Variants in SPTBN5 observed in about 807,000 individuals in gnomAD.
SPTBN5 encodes spectrin beta chain, non-erythrocytic 5.
Under a neutral mutation model 477.6 loss-of-function variants are expected in SPTBN5, and 513 were observed. That is an observed-to-expected ratio of 1.07 (90% confidence interval 1.00 to 1.16). The LOEUF (loss-of-function observed/expected upper bound fraction) is 1.16. Among genes scored for constraint, SPTBN5 ranks in the 50% most tolerant of loss-of-function variants. The pLI is 0.00. For synonymous variants in SPTBN5, 2,169 were observed against 2,011.7 expected, an observed-to-expected ratio of 1.08 and a Z score of -2.09; for missense variants, 5,062 against 4,731.8, an observed-to-expected ratio of 1.07 and a Z score of -2.05.
Position 41,855,349 on chromosome 15 carries a change from C to A in SPTBN5, c.9298G>T (p.Gly3100Cys), listed in dbSNP as rs138964407. Residue 3100 changes from glycine (G) to cysteine (C), a missense_variant, in exon 55 of 68, where the codon GGC (glycine) becomes TGC (cysteine). Transcript: ENST00000320955. ...LLRRAEARGH[G>C]LQEQLQLHQL... ...TGTAGCTGCAGCTGCTCCTGCAGGC[C>A]GTGCCCCCTGGCCTCCGCCCTCCGC... 5 of 1,606,590 alleles carry A rather than the reference C, an allele frequency of 3.1e-6. No individual in the cohort carries two copies. Among genetic ancestry groups the A allele is most frequent in the Non-Finnish European group, 4.2e-6 (5 of 1,179,702 alleles).
intron 29 of SPTBN5, 135 bp downstream of exon 29, chr15:41,871,228 TCTGGAGCTAGGC>T (rs1486915565): frequency 1.0e-6 from 1 of 971,060 alleles, no homozygotes; most frequent in East Asian, 3.3e-5. Context: ...GCTCAGCTTC[TCTGGAGCTAGGC>T]CCCCTGCAGA....
At position 41,887,433 on chromosome 15, in the gene SPTBN5, A is replaced by T; in HGVS notation, c.668T>A (p.Leu223Gln). Residue 223 changes from leucine (L) to glutamine (Q), a missense_variant, in exon 6 of 68, where the codon CTG becomes CAG. Physicochemically the swap from Leu to Gln is moderately radical, Grantham distance 113. Coordinates refer to ENST00000320955, the MANE Select transcript of SPTBN5 (RefSeq NM_016642.4). ...NALIHAHRPD[L>Q]LDYGSLRPDR... ...TGGACGCAGGGAGCCGTAGTCCAAC[A>T]GGTCTGGCCTGGACAGACAGTGAGA... 6.4e-7 allele frequency: 1 copy of T among 1,552,372 alleles called. No individual in the cohort carries two copies. Among genetic ancestry groups the T allele is most frequent in the South Asian group, 1.2e-5 (1 of 84,096 alleles).
chr15:41,888,174 A>T, intron 4 of SPTBN5, 89 bp from the exon 5 acceptor site: 1 of 1,349,742 alleles, frequency 7.4e-7, no homozygotes, highest in Non-Finnish European at 1.0e-6. Context: ...GGCTGGCCAC[A>T]GCAGGATCCT....
In SPTBN5 at chr15:41,854,170, C is replaced by T; in HGVS notation, c.9654G>A (p.Gln3218=). The part of the protein sequence containing the change: ...LAAAHEVHSF[Q]QAAAELQGRM... ...TTCCCTGGAGCTCAGCTGCTGCCTG[C>T]TGAAAGCTGTGGACCTCATGGGCTG... The change falls in exon 57 of 68, where the codon CAG becomes CAA. Residue 3218 remains glutamine, a synonymous_variant. Transcript: ENST00000320955. 2 of 1,600,078 alleles carry T rather than the reference C, an allele frequency of 1.2e-6. No individual in the cohort carries two copies. Among genetic ancestry groups the T allele is most frequent in the Non-Finnish European group, 8.5e-7 (1 of 1,173,732 alleles).
Position 41,858,698 on chromosome 15 carries a change from C to T in SPTBN5, c.8130G>A (p.Leu2710=), listed in dbSNP as rs767707910. The T allele has an allele frequency of 6.2e-7, 1 of 1,609,992 alleles. No individual in the cohort carries two copies. The highest frequency in any genetic ancestry group is 8.5e-7 in the Non-Finnish European group (1 of 1,178,772). ...EKNLVALEEG[L]LDTAMLPAQL... is the part of the protein sequence containing the mutation. The stretch of plus-strand genomic sequence containing the variant: ...GTGCTGGCAGCATGGCTGTGTCCAG[C>T]AAACCCTCCTCCAAGGCCACCAGGT... The change falls in exon 49 of 68, where the codon TTG becomes TTA. Residue 2710 remains leucine (L), a synonymous_variant. Transcript: ENST00000320955.
chr15:41,881,268 C>T (rs1283045798), intron 12 of SPTBN5, 34 bp from the exon 13 acceptor site: 1 of 1,549,182 alleles, frequency 6.5e-7, no homozygotes, highest in South Asian at 1.2e-5. Flanking sequence ...CTACAGGCGA[C>T]CCCATCAAGC....
chr15:41,867,083 CG>C lies in SPTBN5; in HGVS notation c.6355del (p.Arg2119GlyfsTer14). 1 of 1,545,790 alleles carries C rather than the reference CG, an allele frequency of 6.5e-7. No homozygotes were observed. On this transcript the variant is annotated frameshift_variant, in exon 36 of 68. Transcript: ENST00000320955. LOFTEE classifies it high-confidence loss of function. The stretch of plus-strand genomic sequence containing the variant: ...CAGGATGGGAAGCCGGTCCCGCACC[CG>C]GGGGCGCCGGAGCGTCTTCAGCCGC... ...RERLKTLRRPRVRDRLPILLQ... is the reference protein window; with the variant it reads ...RERLKTLRRPXVRDRLPILLQ...
chr15:41,879,215 C>T, intron 16 of SPTBN5, 45 bp downstream of exon 16: 1 of 1,575,112 alleles, frequency 6.3e-7, no homozygotes. Flanking sequence ...CACGCCTTCC[C>T]ATGGTCCTCA....
chr15:41,873,433 T>C (rs2066610393), intron 26 of SPTBN5, 59 bp downstream of exon 26: 2 of 1,299,348 alleles, frequency 1.5e-6, no homozygotes, highest in East Asian at 2.5e-5. Flanking sequence ...GTGACAGCCC[T>C]CTCCCCGTGG....
chr15:41,865,278 C>T (rs1195352368), intron 39 of SPTBN5, among the ~76,000 whole-genome samples: 1 of 152,204 alleles, frequency 6.6e-6, no homozygotes, highest in African/African-American at 2.4e-5. Flanking sequence ...AATAGTCACA[C>T]TGAAGGTGGG....
rs762141451 is a variant in SPTBN5, at chr15:41,882,963, G to GGGAAAGGTGGAAGAGTTGGGGCAGGCTCT, written c.1892+4_1892+32dup. ...ATAATTTGGGTTACAGAAAAGTTCT[G>GGGAAAGGTGGAAGAGTTGGGGCAGGCTCT]GGAAAGGTGGAAGAGTTGGGGCAGG... On this transcript the variant is annotated intron_variant, in intron 9 of 67. Transcript: ENST00000320955. The GGGAAAGGTGGAAGAGTTGGGGCAGGCTCT allele has an allele frequency of 7.9e-6, 12 of 1,517,268 alleles. No individual in the cohort carries two copies. The South Asian group carries it at 1.4e-4, about 18-fold the overall frequency. The allele number at this position is 1,517,268 out of a possible 1,614,324, so 94.0% of individuals were successfully genotyped here.
rs1458888916 is a variant in SPTBN5, at chr15:41,873,515, G to T, written c.4984C>A (p.Leu1662Ile). ...ACCTGGTGCTTGTTAATGAGCCTGAGGGTGGCTGCCTCGTCTCTGCCATAG... is the reference window on the plus strand; with the variant it reads ...ACCTGGTGCTTGTTAATGAGCCTGATGGTGGCTGCCTCGTCTCTGCCATAG... ...RDYGRDEAAT[L>I]RLINKHQALQ... Residue 1662 changes from leucine to isoleucine, a missense_variant, in exon 26 of 68, where the codon CTC (leucine) becomes ATC (isoleucine). Physicochemically the swap from Leu to Ile is conservative, Grantham distance 5. Transcript: ENST00000320955. 2 of 1,551,610 alleles carry T rather than the reference G, an allele frequency of 1.3e-6. No individual in the cohort carries two copies. Among genetic ancestry groups the T allele is most frequent in the Non-Finnish European group, 1.7e-6 (2 of 1,147,008 alleles).
At chr15:41,887,886 G>A (rs759339389) in intron 5 of SPTBN5, 42 bp downstream of exon 5, 1 of 1,578,222 alleles carries the variant, frequency 6.3e-7, no homozygotes, top group Admixed American at 1.8e-5. Context: ...AGGAGCTGTT[G>A]GCTCAGTGGG....
intron 62 of SPTBN5, 69 bp from the exon 63 acceptor site, chr15:41,851,919 C>T (rs2065778250): frequency 8.0e-6 from 10 of 1,242,376 alleles, no homozygotes; most frequent in East Asian, 7.0e-5. Context: ...AAGGCACCCA[C>T]TGCCCCCAGC....
intron 49 of SPTBN5, among the ~76,000 whole-genome samples, chr15:41,858,098 A>C (rs2065981804): frequency 6.6e-6 from 1 of 152,136 alleles, no homozygotes. Flanking sequence ...GGAGTTTAAC[A>C]CCAGCCTGGA....
chr15:41,877,991 G>C (rs990016781), intron 17 of SPTBN5, among the ~76,000 whole-genome samples: 4 of 152,176 alleles, frequency 2.6e-5, no homozygotes, highest in Non-Finnish European at 5.9e-5. Flanking sequence ...TTCCACTTAG[G>C]GGCCGCTGGG....
Position 41,865,813 on chromosome 15 carries a change from C to CTT in SPTBN5, c.6912_6913insAA (p.Ala2305LysfsTer83), listed in dbSNP as rs2066283514. On this transcript the variant is annotated frameshift_variant, in exon 39 of 68. Transcript: ENST00000320955. LOFTEE classifies it high-confidence loss of function. ...ACCCAGCAAGGCCCTCTTACCCCGG[C>CTT]CGAGTTTCCTCGGAACTCGCGGAGC... The CTT allele has an allele frequency of 1.3e-6, 2 of 1,558,786 alleles. No individual in the cohort carries two copies. Among genetic ancestry groups the CTT allele is most frequent in the Non-Finnish European group, 1.7e-6 (2 of 1,151,690 alleles).
intron 26 of SPTBN5, among the ~76,000 whole-genome samples, 178 bp downstream of exon 26, chr15:41,873,314 G>A (rs191022754): frequency 3.6e-4 from 55 of 152,260 alleles, no homozygotes; most frequent in African/African-American, 1.3e-3. Flanking sequence ...ACAGTGCCCA[G>A]GTTGCCTTGG....
intron 14 of SPTBN5, 125 bp from the exon 15 acceptor site, chr15:41,879,989 A>C: frequency 6.9e-7 from 1 of 1,452,366 alleles, no homozygotes; most frequent in Non-Finnish European, 9.3e-7. Context: ...GCCCCTGGAA[A>C]GACAGCCATC....
Sources: allele counts gnomAD v4.1 joint callset (sites outside exome capture counted in the v4.1 genomes callset), GRCh38; gene constraint gnomAD v4.1.1; transcripts MANE v1.5; gene names NCBI Gene and HGNC (gene_info 2026-07-23, HGNC 2026-07-21).